The following GPR137B variants were observed in gnomAD, a reference collection of about 807,000 sequenced individuals.
The protein encoded by GPR137B is integral membrane protein GPR137B.
A neutral mutation model predicts 42.5 loss-of-function variants in GPR137B; 42 were observed. That is an observed-to-expected ratio of 0.99 (90% CI 0.77 to 1.28). The LOEUF is 1.28. Ranked by LOEUF, GPR137B falls within the 50% of genes most tolerant of loss-of-function variation. The pLI is 0.00. For missense variants in GPR137B, 487 were observed against 493.9 expected, an observed-to-expected ratio of 0.99 and a Z score of 0.13; for synonymous variants, 218 against 209.7, an observed-to-expected ratio of 1.04 and a Z score of -0.34.
At chr1:236,200,152 A>C (rs1180884620) in intron 5 of GPR137B, among the ~76,000 whole-genome samples, 2 of 151,876 alleles carry the variant, frequency 1.3e-5, no homozygotes, top group East Asian at 3.9e-4. Flanking sequence ...GCATTTATAT[A>C]GTTTTGAGGG....
intron 1 of GPR137B, among the ~76,000 whole-genome samples, chr1:236,157,714 T>C (rs778203645): frequency 1.3e-5 from 2 of 152,192 alleles, no homozygotes; most frequent in African/African-American, 2.4e-5. Flanking sequence ...GTCCTCCTTA[T>C]ATTCAGGTTT....
intron 4 of GPR137B, among the ~76,000 whole-genome samples, chr1:236,182,007 C>G (rs1662898692): frequency 6.6e-6 from 1 of 150,952 alleles, no homozygotes; most frequent in African/African-American, 2.4e-5. Context: ...ATTCTTCTGC[C>G]TCAGCCTCCT....
intron 5 of GPR137B, among the ~76,000 whole-genome samples, chr1:236,186,286 AATAATAT>A (rs1451156677): frequency 1.7e-5 from 1 of 58,562 alleles, no homozygotes; most frequent in African/African-American, 5.5e-5. Context: ...TAATAATATA[AATAATAT>A]ATAATATATA....
intron 5 of GPR137B, among the ~76,000 whole-genome samples, chr1:236,185,577 A>T (rs1571995645): frequency 6.6e-6 from 1 of 152,100 alleles, no homozygotes; most frequent in Non-Finnish European, 1.5e-5. Flanking sequence ...CTTTTTTGAG[A>T]CAGGGTCTTG....
At chr1:236,184,907 C>G (rs1260335712) in intron 5 of GPR137B, among the ~76,000 whole-genome samples, 1 of 152,104 alleles carries the variant, frequency 6.6e-6, no homozygotes, top group Non-Finnish European at 1.5e-5. Flanking sequence ...GCTGGGAATA[C>G]AGATGCACGC....
At chr1:236,160,531 G>T (rs1214381789) in intron 1 of GPR137B, among the ~76,000 whole-genome samples, 1 of 152,122 alleles carries the variant, frequency 6.6e-6, no homozygotes, top group Non-Finnish European at 1.5e-5. Context: ...TCGGGACCCA[G>T]GCTCCTTCTG....
rs926490222 is a variant in GPR137B, at chr1:236,208,290, C to T, written c.*132C>T. 157 of 1,454,426 alleles carry T rather than the reference C, an allele frequency of 1.1e-4. No homozygotes were observed. Among genetic ancestry groups the T allele is most frequent in the Admixed American group, 2.7e-5 (1 of 37,368 alleles). 90.1% of individuals were successfully genotyped at this position (1,454,426 alleles called of 1,614,324 possible). A position where few individuals can be genotyped will look rare whatever the true frequency, so the allele number is the denominator to read the frequency against. The stretch of plus-strand genomic sequence containing the variant: ...TTTATTTGTTACAGGTTTCCAATGG[C>T]CCCATAGGAATAAGCAATAATGTAG... On this transcript the variant is annotated 3_prime_UTR_variant, in exon 7 of 7. Transcript: ENST00000366592.
Position 236,171,598 on chromosome 1 carries a change from T to C in GPR137B, c.464+2843T>C. ...ACTGGGGTCTTCGGGTGAGAAGATA[T>C]GTGCGTGGGGCAGTCCTTGCTTGAT... On this transcript the variant is annotated intron_variant, in intron 2 of 6. Transcript: ENST00000366592. The surrounding 1 kb of genome is among the most constrained non-coding windows in gnomAD (Gnocchi z 4.4). Among the ~76,000 whole-genome samples, 1 of 152,196 alleles carries C rather than the reference T, an allele frequency of 6.6e-6. No homozygotes were observed. Among genetic ancestry groups the C allele is most frequent in the East Asian group, 1.9e-4 (1 of 5,200 alleles).
chr1:236,174,189 A>G (rs1012385524), intron 2 of GPR137B, among the ~76,000 whole-genome samples: 2 of 152,184 alleles, frequency 1.3e-5, no homozygotes, highest in Non-Finnish European at 2.9e-5. Context: ...ATTGTTTTAA[A>G]TCTCCCAACA....
At chr1:236,199,353 G>A (rs899532995) in intron 5 of GPR137B, among the ~76,000 whole-genome samples, 1 of 151,344 alleles carries the variant, frequency 6.6e-6, no homozygotes, top group Non-Finnish European at 1.5e-5. Flanking sequence ...GATAAACATA[G>A]TTTTGCTATG....
intron 1 of GPR137B, among the ~76,000 whole-genome samples, chr1:236,149,053 C>G (rs1254175703): frequency 6.6e-6 from 1 of 152,210 alleles, no homozygotes; most frequent in Non-Finnish European, 1.5e-5. Flanking sequence ...GAGATTCTCA[C>G]TGTGTGTTGC....
rs138040875 is a variant in GPR137B at position 236,202,812 on chromosome 1, A to G, written c.967-2314A>G. ...ACCCATGTCTTGGCGATATTCCCCA[A>G]TGTTTTCTTGTAGTAGTTTCACAGT... On this transcript the variant is annotated intron_variant, in intron 5 of 6. Transcript: ENST00000366592. Among the ~76,000 whole-genome samples, 953 of 152,232 alleles carry G rather than the reference A, an allele frequency of 6.3e-3. 12 individuals carry two copies. The highest frequency in any genetic ancestry group is 0.021 in the African/African-American group (883 of 41,538).
At chr1:236,189,687 T>C (rs937200573) in intron 5 of GPR137B, among the ~76,000 whole-genome samples, 3 of 151,896 alleles carry the variant, frequency 2.0e-5, no homozygotes, top group Non-Finnish European at 4.4e-5. Context: ...GAGACTGTTA[T>C]GATTTCTGTT....
At chr1:236,180,328 G>T in intron 4 of GPR137B, 1 of 266,108 alleles carries the variant, frequency 3.8e-6, no homozygotes, top group South Asian at 4.5e-5. Context: ...TTTGATCCGT[G>T]GATGGTTGAG....
intron 1 of GPR137B, among the ~76,000 whole-genome samples, chr1:236,157,895 T>C (rs1002833681): frequency 1.4e-4 from 21 of 152,112 alleles, no homozygotes; most frequent in African/African-American, 5.1e-4. Flanking sequence ...TCCAAACACA[T>C]AGTCATGAGG....
chr1:236,184,082 T>C (rs1228645313), intron 5 of GPR137B, among the ~76,000 whole-genome samples, 176 bp downstream of exon 5: 1 of 152,194 alleles, frequency 6.6e-6, no homozygotes, highest in Non-Finnish European at 1.5e-5. Flanking sequence ...TGAGGGAAAA[T>C]GGTTTTCAGC....
At chr1:236,207,752 A>G (rs1663704248) in intron 6 of GPR137B, among the ~76,000 whole-genome samples, 1 of 152,166 alleles carries the variant, frequency 6.6e-6, no homozygotes, top group Non-Finnish European at 1.5e-5. Context: ...GCTGTACTCC[A>G]TGTTAGGATT....
Position 236,208,792 on chromosome 1 carries a change from C to A in GPR137B, c.*634C>A. The A allele has an allele frequency of 1.0e-6, 1 of 983,024 alleles. No individual in the cohort carries two copies. 60.9% of individuals were successfully genotyped at this position (983,024 alleles called of 1,614,324 possible). A position where few individuals can be genotyped will look rare whatever the true frequency, so the allele number is the denominator to read the frequency against. On this transcript the variant is annotated 3_prime_UTR_variant, in exon 7 of 7. Coordinates refer to ENST00000366592, the MANE Select transcript of GPR137B (RefSeq NM_003272.4). Reference sequence around the variant, plus strand: ...TCCTCAAGGAATCTCTTAAGTTTTGCCCAAAGACTGGTACTTCCTTTCAGT... The same window carrying A: ...TCCTCAAGGAATCTCTTAAGTTTTGACCAAAGACTGGTACTTCCTTTCAGT...
chr1:236,157,207 G>A (rs1553361248), intron 1 of GPR137B, among the ~76,000 whole-genome samples: 3 of 151,308 alleles, frequency 2.0e-5, no homozygotes, highest in South Asian at 2.1e-4. Context: ...CCCCAGGTAA[G>A]CCAGCTCCAG....
Sources: gnomAD v4.1 joint callset for allele counts (sites outside exome capture counted in the v4.1 genomes callset) on GRCh38, gnomAD v4.1.1 for gene constraint, Gnocchi (gnomAD v3.1) non-coding constraint, MANE v1.5 for transcripts, NCBI Gene and HGNC (gene_info 2026-07-23, HGNC 2026-07-21) for gene names.